The following TENM2 variants were observed in gnomAD, a reference collection of about 807,000 sequenced individuals.
TENM2 encodes teneurin transmembrane protein 2, also known as teneurin-2.
Under a neutral mutation model 245.2 loss-of-function variants are expected in TENM2, and 52 were observed. That is an observed-to-expected ratio of 0.21 (90% CI 0.17 to 0.27). The LOEUF is 0.27. Ranked by LOEUF, TENM2 falls within the 10% of genes least tolerant of loss-of-function variation. The pLI is 1.00. For missense variants in TENM2, 3,046 were observed against 3,666.8 expected (o/e 0.83, Z 4.37); for synonymous variants, 1,363 against 1,438.9 (o/e 0.95, Z 1.19).
the TENM2 span, among the ~76,000 whole-genome samples, chr5:167,053,999 C>T: frequency 5.9e-4 from 90 of 152,222 alleles, no homozygotes; most frequent in African/African-American, 1.5e-3. Flanking sequence ...ATCCTCCACC[C>T]GTGGTGCATT....
intron 1 of TENM2, among the ~76,000 whole-genome samples, chr5:167,320,648 C>T (rs963041943): frequency 6.6e-6 from 1 of 152,098 alleles, no homozygotes; most frequent in Non-Finnish European, 1.5e-5. Flanking sequence ...TATAAAAGAG[C>T]GAGTTGAGCC....
intron 2 of TENM2, among the ~76,000 whole-genome samples, chr5:167,416,733 C>G (rs1009343536): frequency 6.6e-6 from 1 of 151,988 alleles, no homozygotes; most frequent in African/African-American, 2.4e-5. Flanking sequence ...GACTACCAGG[C>G]TACAGTAATA....
At chr5:167,429,625 T>G (rs867387441) in intron 2 of TENM2, among the ~76,000 whole-genome samples, 2 of 148,364 alleles carry the variant, frequency 1.3e-5, no homozygotes, top group Middle Eastern at 6.8e-3. Context: ...TTTTTTTTTT[T>G]TTTTGACTTA....
the TENM2 span, among the ~76,000 whole-genome samples, chr5:167,042,002 C>T: frequency 6.6e-6 from 1 of 152,176 alleles, no homozygotes; most frequent in Non-Finnish European, 1.5e-5. Context: ...GTCTGTCTGA[C>T]CTCCTGTGGA....
At chr5:167,328,801 C>A (rs953931230) in intron 1 of TENM2, among the ~76,000 whole-genome samples, 1 of 152,132 alleles carries the variant, frequency 6.6e-6, no homozygotes, top group African/African-American at 2.4e-5. Flanking sequence ...CCTGACCCTC[C>A]TTCTCGGTAT....
At chr5:168,257,974 C>T (rs1348674026) in intron 27 of TENM2, among the ~76,000 whole-genome samples, 4 of 152,066 alleles carry the variant, frequency 2.6e-5, no homozygotes, top group Non-Finnish European at 5.9e-5. Context: ...GGGTGCAGAG[C>T]GGAAGCATGG....
the TENM2 span, among the ~76,000 whole-genome samples, chr5:167,158,547 C>T: frequency 6.6e-6 from 1 of 152,140 alleles, no homozygotes; most frequent in African/African-American, 2.4e-5. Context: ...GTTCTGGAGG[C>T]TGCTGAGAAG....
the TENM2 span, among the ~76,000 whole-genome samples, chr5:167,132,285 A>G: frequency 6.6e-6 from 1 of 152,172 alleles, no homozygotes; most frequent in African/African-American, 2.4e-5. Context: ...GCTCTCCAGC[A>G]TCACATAGAC....
At chr5:167,196,510 G>A in the TENM2 span, among the ~76,000 whole-genome samples, 205 of 129,868 alleles carry the variant, frequency 1.6e-3, 1 homozygote, top group African/African-American at 8.5e-3. Flanking sequence ...GTATATATAT[G>A]TGTGTGTATA....
At chr5:167,376,225 T>A (rs1459448373) in intron 2 of TENM2, among the ~76,000 whole-genome samples, 1 of 152,166 alleles carries the variant, frequency 6.6e-6, no homozygotes, top group Non-Finnish European at 1.5e-5. Flanking sequence ...TCTGAGCAAT[T>A]CCGAAGTGTG....
chr5:167,363,741 A>AAAAG (rs1554139803), intron 1 of TENM2, among the ~76,000 whole-genome samples: 10 of 150,862 alleles, frequency 6.6e-5, no homozygotes, highest in South Asian at 4.2e-4. Flanking sequence ...AAAAAAAAAA[A>AAAAG]AAAAAGAAAA....
intron 2 of TENM2, among the ~76,000 whole-genome samples, chr5:167,768,416 T>G (rs2150750304): frequency 1.3e-5 from 2 of 152,288 alleles, no homozygotes; most frequent in South Asian, 4.1e-4. Flanking sequence ...TAATGTAGAT[T>G]ATTAGGAAAA....
At chr5:167,335,782 T>C (rs1419789572) in intron 1 of TENM2, among the ~76,000 whole-genome samples, 1 of 152,156 alleles carries the variant, frequency 6.6e-6, no homozygotes, top group Non-Finnish European at 1.5e-5. Context: ...ATCAAGTTGC[T>C]GGTATAATGC....
At chr5:167,101,863 A>ATATATATATATATATT in the TENM2 span, among the ~76,000 whole-genome samples, 1 of 121,656 alleles carries the variant, frequency 8.2e-6, no homozygotes, top group African/African-American at 3.3e-5. Flanking sequence ...ATATATATAT[A>ATATATATATATATATT]TATATATATA....
At chr5:167,285,179 G>A in intron 1 of TENM2, 116 bp downstream of exon 3, 2 of 729,008 alleles carry the variant, frequency 2.7e-6, no homozygotes, top group Non-Finnish European at 2.4e-6. Flanking sequence ...GTACCCTACA[G>A]CAGACCCTTG....
exon 29 of TENM2, chr5:168,262,650 G>T: frequency 6.2e-7 from 1 of 1,603,002 alleles, no homozygotes; most frequent in Non-Finnish European, 8.5e-7. Context: ...AGAGAGGGGA[G>T]CCGCCTGTGG....
chr5:167,909,738 T>G (rs539617172), intron 3 of TENM2, among the ~76,000 whole-genome samples: 1 of 152,286 alleles, frequency 6.6e-6, no homozygotes, highest in South Asian at 2.1e-4. Flanking sequence ...GATGTTACCA[T>G]GCAAATCAAA....
chr5:168,006,642 T>C (rs920542207), intron 5 of TENM2, among the ~76,000 whole-genome samples: 3 of 152,076 alleles, frequency 2.0e-5, no homozygotes, highest in Non-Finnish European at 4.4e-5. Context: ...GCCTCAGAAA[T>C]AGAAATAGCT....
intron 2 of TENM2, among the ~76,000 whole-genome samples, chr5:167,560,199 C>A (rs1773497728): frequency 6.6e-6 from 1 of 152,202 alleles, no homozygotes; most frequent in Non-Finnish European, 1.5e-5. Flanking sequence ...TCAAAACCTG[C>A]ATTTTAACAC....
Sources: gnomAD v4.1 joint callset for allele counts (sites outside exome capture counted in the v4.1 genomes callset) on GRCh38, gnomAD v4.1.1 for gene constraint, MANE v1.5 for transcripts, NCBI Gene and HGNC (gene_info 2026-07-23, HGNC 2026-07-21) for gene names.